EIF2AK2: variants seen among roughly 807,000 people sequenced by gnomAD.
The protein encoded by EIF2AK2 is interferon-induced, double-stranded RNA-activated protein kinase.
Under a neutral mutation model 70.5 loss-of-function variants are expected in EIF2AK2, and 40 were observed. That is an observed-to-expected ratio of 0.57 (90% CI 0.44 to 0.74). The LOEUF (loss-of-function observed/expected upper bound fraction) is 0.74, where lower values mean the gene tolerates loss of function less well. Ranked by LOEUF, EIF2AK2 falls within the 30% of genes least tolerant of loss-of-function variation. The pLI, the probability that EIF2AK2 is intolerant of heterozygous loss-of-function variation, is 0.00. For synonymous variants in EIF2AK2, 198 were observed against 220.9 expected (o/e 0.90, Z 0.92); for missense variants, 555 against 644.3 (o/e 0.86, Z 1.50).
At chr2:37,137,089 T>G (rs1675154361) in intron 8 of EIF2AK2, 72 bp from the exon 9 acceptor site, 1 of 1,347,376 alleles carries the variant, frequency 7.4e-7, no homozygotes, top group Non-Finnish European at 1.0e-6. Context: ...TTTTCCTTCC[T>G]CCTGTATATC....
At position 37,120,026 on chromosome 2, in the gene EIF2AK2, A is replaced by G; in HGVS notation, c.1181T>C (p.Leu394Pro). ...EKLDKVLALELFEQITKGVDY... is the reference protein window; with the variant it reads ...EKLDKVLALEPFEQITKGVDY... The stretch of plus-strand genomic sequence containing the variant: ...CACCCCTTTTGTTATTTGTTCAAAG[A>G]GTTCCAAAGCCAAAACTTTGTCTAG... Residue 394 changes from leucine to proline, a missense_variant, in exon 13 of 17, where the codon CTC (leucine) becomes CCC (proline). Leu to Pro is a moderately conservative substitution (Grantham distance 98). Around this residue, in one of 3 missense-constraint regions of EIF2AK2, gnomAD observed 299 missense variants for 375.4 expected, o/e 0.80. Transcript: ENST00000233057. 1.3e-6 allele frequency: 2 copies of G among 1,559,928 alleles called. No individual in the cohort carries two copies. Among genetic ancestry groups the G allele is most frequent in the Non-Finnish European group, 1.7e-6 (2 of 1,149,332 alleles).
At chr2:37,148,798 T>C (rs547714344) in intron 2 of EIF2AK2, 59 bp downstream of exon 2, 54 of 823,162 alleles carry the variant, frequency 6.6e-5, no homozygotes, top group Non-Finnish European at 1.1e-4. Context: ...AGAATTTGCA[T>C]GTAATTGACT....
In EIF2AK2 at chr2:37,105,408, G is replaced by C. The variant is rs1041255670; in HGVS notation, c.*1865C>G. On this transcript the variant is annotated 3_prime_UTR_variant, in exon 17 of 17. Coordinates refer to ENST00000233057, the MANE Select transcript of EIF2AK2 (RefSeq NM_001135651.3). Reference sequence around the variant, plus strand: ...CAATCTATTAGTTCCCTCAAGAGCCGGTTATTTAAAAAGAGCCTGGCACCT... The same window carrying C: ...CAATCTATTAGTTCCCTCAAGAGCCCGTTATTTAAAAAGAGCCTGGCACCT... 16 of 152,090 alleles carry C rather than the reference G, an allele frequency of 1.1e-4. No individual in the cohort carries two copies. The highest frequency in any genetic ancestry group is 1.0e-3 in the Admixed American group (16 of 15,242). The allele number at this position is 152,090 out of a possible 1,614,324, so 9.4% of individuals were successfully genotyped here.
intron 4 of EIF2AK2, among the ~76,000 whole-genome samples, chr2:37,141,969 T>C (rs1208138328): frequency 6.6e-6 from 1 of 152,198 alleles, no homozygotes. Flanking sequence ...TCTAGCTTGT[T>C]ATACCCTTTC....
chr2:37,146,051 G>A (rs560318035), intron 4 of EIF2AK2, among the ~76,000 whole-genome samples: 4 of 152,158 alleles, frequency 2.6e-5, no homozygotes, highest in Non-Finnish European at 4.4e-5. Context: ...ACCAAGCCCA[G>A]CCTTTTGTCT....
chr2:37,105,316 C>A lies in EIF2AK2; in HGVS notation c.*1957G>T, dbSNP rs777150654. On this transcript the variant is annotated 3_prime_UTR_variant, in exon 17 of 17. Coordinates refer to ENST00000233057, the MANE Select transcript of EIF2AK2 (RefSeq NM_001135651.3). ...AGGTGTTTGGGTCATGGGGGAAGAC[C>A]CCTCATGAATACATTAATGCCGTCC... 6.6e-6 allele frequency: 1 copy of A among 151,460 alleles called. No homozygotes were observed. Among genetic ancestry groups the A allele is most frequent in the African/African-American group, 2.4e-5 (1 of 41,190 alleles). The allele number at this position is 151,460 out of a possible 1,614,324, so 9.4% of individuals were successfully genotyped here.
intron 4 of EIF2AK2, among the ~76,000 whole-genome samples, chr2:37,145,262 C>T (rs1675489749): frequency 1.3e-5 from 2 of 151,252 alleles, no homozygotes; most frequent in South Asian, 4.2e-4. Flanking sequence ...CCTGCCTCAG[C>T]CTCCCAAGTA....
intron 14 of EIF2AK2, among the ~76,000 whole-genome samples, chr2:37,113,184 T>C (rs1003387384): frequency 1.3e-5 from 2 of 152,182 alleles, no homozygotes; most frequent in East Asian, 3.8e-4. Context: ...AGCAGCCGTA[T>C]TGATAAATAT....
chr2:37,110,641 A>C (rs1236580613), intron 14 of EIF2AK2, among the ~76,000 whole-genome samples: 1 of 152,232 alleles, frequency 6.6e-6, no homozygotes, highest in African/African-American at 2.4e-5. Context: ...CAGATAGCTC[A>C]GTATATCTAT....
At chr2:37,126,833 T>A (rs1012444657) in intron 10 of EIF2AK2, among the ~76,000 whole-genome samples, 2 of 151,780 alleles carry the variant, frequency 1.3e-5, no homozygotes, top group African/African-American at 4.8e-5. Context: ...GGCGAGTGCC[T>A]GTAATCCCAG....
chr2:37,122,940 G>A (rs1161721421), intron 11 of EIF2AK2, among the ~76,000 whole-genome samples: 1 of 152,104 alleles, frequency 6.6e-6, no homozygotes, highest in African/African-American at 2.4e-5. Flanking sequence ...GGCGAAGGTG[G>A]GCGGATCACG....
intron 11 of EIF2AK2, among the ~76,000 whole-genome samples, chr2:37,123,289 CAG>C (rs979940072): frequency 2.0e-5 from 3 of 152,048 alleles, no homozygotes; most frequent in Admixed American, 6.5e-5. Flanking sequence ...TTTATTGAGA[CAG>C]AGTCTTGCTC....
chr2:37,117,629 G>T (rs1187158968), intron 13 of EIF2AK2, among the ~76,000 whole-genome samples: 2 of 152,152 alleles, frequency 1.3e-5, no homozygotes, highest in Non-Finnish European at 2.9e-5. Flanking sequence ...ATATAAAAGG[G>T]ATGCAAACTT....
At chr2:37,144,677 A>C (rs1675464291) in intron 4 of EIF2AK2, among the ~76,000 whole-genome samples, 2 of 151,508 alleles carry the variant, frequency 1.3e-5, no homozygotes, top group Admixed American at 1.3e-4. Flanking sequence ...CTGACCTCTC[A>C]GGCACGTGAT....
intron 14 of EIF2AK2, among the ~76,000 whole-genome samples, chr2:37,111,562 T>C (rs1220927746): frequency 6.6e-6 from 1 of 151,482 alleles, no homozygotes; most frequent in East Asian, 1.9e-4. Flanking sequence ...TTCAAAAATA[T>C]AAACAATATG....
intron 2 of EIF2AK2, among the ~76,000 whole-genome samples, chr2:37,148,273 C>T (rs1014147855): frequency 6.6e-6 from 1 of 152,116 alleles, no homozygotes; most frequent in African/African-American, 2.4e-5. Flanking sequence ...TGTTTGCCTA[C>T]CTGCTTAAAA....
chr2:37,146,521 T>C (rs1456220154), intron 4 of EIF2AK2, among the ~76,000 whole-genome samples: 1 of 152,228 alleles, frequency 6.6e-6, no homozygotes, highest in East Asian at 1.9e-4. Flanking sequence ...TTTACTGTAC[T>C]TCCTCATTTA....
In EIF2AK2 at chr2:37,107,185, G is replaced by A. The variant is rs1401458808; in HGVS notation, c.*88C>T. The A allele has an allele frequency of 4.3e-6, 6 of 1,403,758 alleles. No homozygotes were observed. In the African/African-American group the frequency reaches 5.8e-5, roughly 14 times the overall value. The allele number at this position is 1,403,758 out of a possible 1,614,324, so 87.0% of individuals were successfully genotyped here. ...AATTAAAGGAAACATTAAAATAAAA[G>A]GTAAATATCTATTGATATTCCCTAG... On this transcript the variant is annotated 3_prime_UTR_variant, in exon 17 of 17. Transcript: ENST00000233057.
At chr2:37,124,887 G>A (rs551987846) in intron 11 of EIF2AK2, among the ~76,000 whole-genome samples, 14 of 151,788 alleles carry the variant, frequency 9.2e-5, no homozygotes, top group African/African-American at 1.2e-4. Flanking sequence ...CTACCACACC[G>A]GCCTAATTAC....
Sources: gnomAD v4.1 joint callset for allele counts (sites outside exome capture counted in the v4.1 genomes callset) on GRCh38, gnomAD v4.1.1 for gene constraint, gnomAD v4.1.1 regional missense constraint, MANE v1.5 for transcripts, NCBI Gene and HGNC (gene_info 2026-07-23, HGNC 2026-07-21) for gene names.